Variants in EFCAB5 observed in about 807,000 individuals in gnomAD.
EFCAB5 encodes the protein EF-hand calcium binding domain 5.
EFCAB5 carries 131 observed loss-of-function variants against 167.9 expected under a neutral mutation model. The ratio of observed to expected loss-of-function variants is 0.78; its 90% CI spans 0.68 to 0.90. The LOEUF (loss-of-function observed/expected upper bound fraction) is 0.90. Ranked by LOEUF, EFCAB5 falls within the 40% of genes least tolerant of loss-of-function variation. EFCAB5 has a pLI of 0.00. For missense variants in EFCAB5, 1,663 were observed against 1,745.2 expected, an observed-to-expected ratio of 0.95 and a Z score of 0.84; for synonymous variants, 574 against 602.8, an observed-to-expected ratio of 0.95 and a Z score of 0.70.
intron 14 of EFCAB5, chr17:30,068,540 G>T: frequency 1.4e-6 from 1 of 696,414 alleles, no homozygotes; most frequent in Non-Finnish European, 2.3e-6. Context: ...TGGATTGGAA[G>T]AATTAATATT....
chr17:30,070,731 C>T (rs1479343366), intron 14 of EFCAB5, among the ~76,000 whole-genome samples: 1 of 152,048 alleles, frequency 6.6e-6, no homozygotes, highest in Non-Finnish European at 1.5e-5. Context: ...AGGTGGATTA[C>T]CTGAGATCAG....
In EFCAB5 at chr17:30,092,456, C is replaced by T. The variant is rs544680416; in HGVS notation, c.4224+299C>T. Among the ~76,000 whole-genome samples the T allele has an allele frequency of 7.2e-5, 11 of 152,192 alleles. No individual in the cohort carries two copies. In the South Asian group the frequency reaches 1.7e-3, roughly 23 times the overall value. On this transcript the variant is annotated intron_variant, in intron 21 of 22. Transcript: ENST00000394835. ...AGGCTGGAGTGCGATGGCGCTATCT[C>T]GGCTCACTGCAACCTCCACCTCCTG...
intron 14 of EFCAB5, among the ~76,000 whole-genome samples, chr17:30,060,602 G>A (rs535101991): frequency 1.3e-5 from 2 of 152,126 alleles, no homozygotes; most frequent in African/African-American, 4.8e-5. Context: ...AAGTTCTTCA[G>A]CCCTTTCAAA....
chr17:30,092,146 A>G lies in EFCAB5; in HGVS notation c.4213A>G (p.Lys1405Glu). ...TTCAAGTGACTTTGGAAGTTGGGAT[A>G]AGTGTAAATTTGTAAGTTTTTTTTT... ...EFSSDFGSWD[K>E]CKFYVNKYLV... The change falls in exon 21 of 23, where the codon AAG becomes GAG. Residue 1405 changes from lysine to glutamate, a missense_variant. Coordinates refer to ENST00000394835, the MANE Select transcript of EFCAB5 (RefSeq NM_198529.4). 6.2e-7 allele frequency: 1 copy of G among 1,611,972 alleles called. No individual in the cohort carries two copies. Among genetic ancestry groups the G allele is most frequent in the Non-Finnish European group, 8.5e-7 (1 of 1,178,736 alleles).
At chr17:30,065,780 G>C (rs183610637) in intron 14 of EFCAB5, 5 of 152,134 alleles carry the variant, frequency 3.3e-5, no homozygotes, top group Admixed American at 6.6e-5. Context: ...GATATTTCAC[G>C]TGAATGGAAA....
intron 7 of EFCAB5, among the ~76,000 whole-genome samples, chr17:30,005,134 G>A (rs1424180828): frequency 6.6e-6 from 1 of 152,138 alleles, no homozygotes. Context: ...GTCAAATTGT[G>A]TTCTTGGTTA....
chr17:29,932,340 G>A (rs562469903), intron 1 of EFCAB5, among the ~76,000 whole-genome samples: 3 of 150,092 alleles, frequency 2.0e-5, no homozygotes, highest in African/African-American at 7.4e-5. Flanking sequence ...TAGTAGGGAC[G>A]GGGTTTCACC....
chr17:30,089,258 T>C (rs892464788), intron 19 of EFCAB5, among the ~76,000 whole-genome samples: 1 of 152,072 alleles, frequency 6.6e-6, no homozygotes, highest in African/African-American at 2.4e-5. Context: ...ATGGGCTCTA[T>C]TGTTATTCCT....
chr17:30,057,835 T>C lies in EFCAB5; in HGVS notation c.2525T>C (p.Phe842Ser). 6.2e-7 allele frequency: 1 copy of C among 1,613,818 alleles called. No individual in the cohort carries two copies. ...AGTGTCAGCGAGACTCTCACCTCCT[T>C]TTTTAAGGAGGGCTATGTTGAAACA... is the stretch of plus-strand genomic sequence containing the variant. ...PLSVSETLTS[F>S]FKEGYVETEQ... Residue 842 changes from phenylalanine (F) to serine (S), a missense_variant, in exon 13 of 23, where the codon TTT becomes TCT. Phe to Ser is a radical substitution (Grantham distance 155). Transcript: ENST00000394835.
chr17:30,051,847 C>T (rs1288444007), intron 9 of EFCAB5, among the ~76,000 whole-genome samples: 1 of 152,082 alleles, frequency 6.6e-6, no homozygotes, highest in East Asian at 1.9e-4. Context: ...TTTTTAATGC[C>T]CAACTTAAAA....
In EFCAB5 at chr17:30,078,365, A is replaced by G. The variant is rs774523396; in HGVS notation, c.2888A>G (p.Asn963Ser). The part of the protein sequence containing the change: ...VLESVVEFLM[N>S]ALERSHIESL... Reference sequence around the variant, plus strand: ...GAAAGTGTTGTGGAATTTCTGATGAATGCTTTAGAGAGGAGCCACATTGAG... The same window carrying G: ...GAAAGTGTTGTGGAATTTCTGATGAGTGCTTTAGAGAGGAGCCACATTGAG... Residue 963 changes from asparagine to serine, a missense_variant, in exon 15 of 23, where the codon AAT (asparagine) becomes AGT (serine). Asn to Ser is a conservative substitution (Grantham distance 46). Coordinates refer to ENST00000394835, the MANE Select transcript of EFCAB5 (RefSeq NM_198529.4). 67 of 1,613,884 alleles carry G rather than the reference A, an allele frequency of 4.2e-5. No individual in the cohort carries two copies. The highest frequency in any genetic ancestry group is 5.5e-5 in the Non-Finnish European group (65 of 1,179,902).
At chr17:30,000,605 A>T (rs956988823) in intron 7 of EFCAB5, among the ~76,000 whole-genome samples, 1 of 152,136 alleles carries the variant, frequency 6.6e-6, no homozygotes, top group African/African-American at 2.4e-5. Context: ...TTTTTCTCTG[A>T]TGAGTTCCAG....
At chr17:29,962,051 C>A (rs2067729881) in intron 3 of EFCAB5, among the ~76,000 whole-genome samples, 3 of 152,168 alleles carry the variant, frequency 2.0e-5, no homozygotes, top group Admixed American at 6.5e-5. Flanking sequence ...GTCTATATGT[C>A]TGTCCTTACT....
chr17:30,000,536 A>G (rs147662115), intron 7 of EFCAB5, among the ~76,000 whole-genome samples: 32 of 152,338 alleles, frequency 2.1e-4, no homozygotes, highest in African/African-American at 7.5e-4. Context: ...ATGGTACTAG[A>G]GTCCTAAGTC....
At chr17:29,956,834 A>G (rs903600986) in intron 3 of EFCAB5, among the ~76,000 whole-genome samples, 1 of 152,056 alleles carries the variant, frequency 6.6e-6, no homozygotes, top group Non-Finnish European at 1.5e-5. Context: ...GCGGGGAGGG[A>G]GGGAGAGAGA....
chr17:30,084,923 T>C (rs945886886), intron 18 of EFCAB5, among the ~76,000 whole-genome samples: 10 of 152,260 alleles, frequency 6.6e-5, no homozygotes, highest in African/African-American at 1.9e-4. Context: ...CCACTTCACC[T>C]TTCATCAGGC....
chr17:29,969,216 A>G lies in EFCAB5; in HGVS notation c.616A>G (p.Ser206Gly). Reference sequence around the variant, plus strand: ...GGTTTTGACAGAAGCTGATACTCCAAGCAAGTTTGACCCAATTAATTATTT... The same window carrying G: ...GGTTTTGACAGAAGCTGATACTCCAGGCAAGTTTGACCCAATTAATTATTT... ...KKVLTEADTP[S>G]KFDPINYLGE... Residue 206 changes from serine (S) to glycine (G), a missense_variant, in exon 4 of 23, where the codon AGC becomes GGC. Coordinates refer to ENST00000394835, the MANE Select transcript of EFCAB5 (RefSeq NM_198529.4). 1 of 1,613,934 alleles carries G rather than the reference A, an allele frequency of 6.2e-7. No individual in the cohort carries two copies. Among genetic ancestry groups the G allele is most frequent in the Non-Finnish European group, 8.5e-7 (1 of 1,179,844 alleles).
At chr17:29,971,738 G>A (rs2067958979) in intron 4 of EFCAB5, among the ~76,000 whole-genome samples, 1 of 152,116 alleles carries the variant, frequency 6.6e-6, no homozygotes, top group Non-Finnish European at 1.5e-5. Context: ...CTATGTATTT[G>A]GGTACACTGA....
intron 7 of EFCAB5, among the ~76,000 whole-genome samples, chr17:30,024,748 A>G (rs2069271921): frequency 6.6e-6 from 1 of 152,168 alleles, no homozygotes; most frequent in African/African-American, 2.4e-5. Flanking sequence ...CCAAAAGAAC[A>G]AAGCTGGAGG....
Sources: gnomAD v4.1 joint callset for allele counts (sites outside exome capture counted in the v4.1 genomes callset) on GRCh38, gnomAD v4.1.1 for gene constraint, MANE v1.5 for transcripts, NCBI Gene and HGNC (gene_info 2026-07-23, HGNC 2026-07-21) for gene names.